MYZAP: variants seen among roughly 807,000 people sequenced by gnomAD.
MYZAP encodes myocardial zonula adherens protein, also known as GRINL1A complex locus upstream.
MYZAP carries 66 observed loss-of-function variants against 69.4 expected under a neutral mutation model. That is an observed-to-expected ratio of 0.95 (90% CI 0.78 to 1.17). The LOEUF (loss-of-function observed/expected upper bound fraction) is 1.17. Ranked by LOEUF, MYZAP falls within the 50% of genes most tolerant of loss-of-function variation. The pLI is 0.00. For missense variants in MYZAP, 611 were observed against 556.2 expected, an observed-to-expected ratio of 1.10 and a Z score of -0.99; for synonymous variants, 256 against 205.9, an observed-to-expected ratio of 1.24 and a Z score of -2.09.
At chr15:57,657,857 A>C (rs553526600) in intron 10 of MYZAP, among the ~76,000 whole-genome samples, 2 of 152,174 alleles carry the variant, frequency 1.3e-5, no homozygotes, top group Non-Finnish European at 2.9e-5. Flanking sequence ...ACTAATTCAC[A>C]ATGCCACCTG....
In MYZAP at chr15:57,647,867, G is replaced by C. The variant is rs1408971597; in HGVS notation, c.1119+8322G>C. 6.1e-6 allele frequency: 6 copies of C among 985,240 alleles called. No homozygotes were observed. The East Asian group carries it at 5.7e-4, about 93-fold the overall frequency. The allele number at this position is 985,240 out of a possible 1,614,324, so 61.0% of individuals were successfully genotyped here. A position where few individuals can be genotyped will look rare whatever the true frequency, so the allele number is the denominator to read the frequency against. ...CCCTCAATTCACCTCTTTCCTGCCT[G>C]TACTGTGATATGGTGTGAACTTGAC... On this transcript the variant is annotated intron_variant, in intron 10 of 12. Transcript: ENST00000267853.
intron 10 of MYZAP, chr15:57,646,315 A>G (rs2037444449): frequency 3.3e-6 from 4 of 1,220,488 alleles, no homozygotes; most frequent in African/African-American, 1.6e-5. Context: ...ACAAAACAGG[A>G]AGGACATATT....
intron 8 of MYZAP, among the ~76,000 whole-genome samples, chr15:57,635,271 C>A (rs184783760): frequency 2.0e-5 from 3 of 152,176 alleles, no homozygotes; most frequent in African/African-American, 2.4e-5. Flanking sequence ...AAAATCCACG[C>A]CAAGTGCTAA....
intron 10 of MYZAP, among the ~76,000 whole-genome samples, chr15:57,643,070 C>T (rs2140478033): frequency 6.6e-6 from 1 of 152,292 alleles, no homozygotes; most frequent in African/African-American, 2.4e-5. Flanking sequence ...TCTCCCCCAT[C>T]ACTAGTTCTT....
chr15:57,647,659 AG>A, intron 10 of MYZAP: 4 of 985,426 alleles, frequency 4.1e-6, no homozygotes, highest in Non-Finnish European at 4.8e-6. Context: ...ATTCTGGAGC[AG>A]ATAGTGAGTG....
At chr15:57,619,243 A>G (rs1413102224) in intron 3 of MYZAP, among the ~76,000 whole-genome samples, 1 of 152,266 alleles carries the variant, frequency 6.6e-6, no homozygotes, top group Non-Finnish European at 1.5e-5. Flanking sequence ...GCTTAGCAGA[A>G]AATATGAGGA....
rs139505969 is a variant in MYZAP, at chr15:57,683,702, G to A, written c.1305-700G>A. On this transcript the variant is annotated intron_variant, in intron 12 of 12. Coordinates refer to ENST00000267853, the MANE Select transcript of MYZAP (RefSeq NM_001018100.5). ...TAAGACCAAGGTGCCAGCAGATCCA[G>A]TGTTTGGCAAGGACTTGCTTTCTGG... Among the ~76,000 whole-genome samples the A allele has an allele frequency of 1.7e-3, 263 of 152,276 alleles. 4 individuals are homozygous for A. Among genetic ancestry groups the A allele is most frequent in the South Asian group, 0.013 (61 of 4,822 alleles).
chr15:57,613,479 TC>T (rs1222078992), intron 2 of MYZAP, among the ~76,000 whole-genome samples: 8 of 151,924 alleles, frequency 5.3e-5, no homozygotes, highest in African/African-American at 1.9e-4. Flanking sequence ...CAAGCAATCT[TC>T]CCACCTTAGC....
In MYZAP at chr15:57,597,282, G is replaced by C. The variant is rs2034122302; in HGVS notation, c.75+5173G>C. Among the ~76,000 whole-genome samples, 2 of 152,164 alleles carry C rather than the reference G, an allele frequency of 1.3e-5. 1 individual carries two copies. The highest frequency in any genetic ancestry group is 4.1e-4 in the South Asian group (2 of 4,824). On this transcript the variant is annotated intron_variant, in intron 1 of 12. Transcript: ENST00000267853. ...CCAGTTATACACAGAATCACTGGGA[G>C]GCTTAAAATAGCCATGTCGAGGCCT...
intron 1 of MYZAP, among the ~76,000 whole-genome samples, chr15:57,601,722 G>C (rs748826172): frequency 1.9e-4 from 29 of 152,288 alleles, no homozygotes; most frequent in Admixed American, 4.6e-4. Context: ...GATGAGGATG[G>C]AGAGGGATCT....
At chr15:57,625,642 A>G in intron 4 of MYZAP, 137 bp from the exon 5 acceptor site, 2 of 770,720 alleles carry the variant, frequency 2.6e-6, no homozygotes, top group South Asian at 1.7e-5. Flanking sequence ...GCAGATGTTG[A>G]CTTTTAATTT....
chr15:57,661,727 G>A (rs776507915), intron 11 of MYZAP, among the ~76,000 whole-genome samples, 194 bp downstream of exon 11: 1 of 152,112 alleles, frequency 6.6e-6, no homozygotes, highest in Non-Finnish European at 1.5e-5. Context: ...CCTCATTCCA[G>A]TTGCTGCTGA....
chr15:57,636,141 T>TG (rs1243541851), intron 8 of MYZAP, among the ~76,000 whole-genome samples: 1 of 151,756 alleles, frequency 6.6e-6, no homozygotes, highest in African/African-American at 2.4e-5. Context: ...TGTTTTTTGT[T>TG]TTTTTTTTCT....
At chr15:57,652,305 A>C (rs771643127) in intron 10 of MYZAP, among the ~76,000 whole-genome samples, 2 of 152,040 alleles carry the variant, frequency 1.3e-5, no homozygotes, top group Non-Finnish European at 2.9e-5. Context: ...CTTCATGCTT[A>C]TTAAACTCTT....
chr15:57,614,556 A>G (rs1316348855), intron 2 of MYZAP, among the ~76,000 whole-genome samples: 1 of 152,208 alleles, frequency 6.6e-6, no homozygotes, highest in African/African-American at 2.4e-5. Context: ...ACCTTGAAAC[A>G]AGAAGGAGGC....
At chr15:57,684,344 G>A (rs2039587550) in intron 12 of MYZAP, 58 bp from the exon 13 acceptor site, 1 of 1,081,692 alleles carries the variant, frequency 9.2e-7, no homozygotes, top group African/African-American at 1.6e-5. Flanking sequence ...ACCATGTGAA[G>A]CATATGGGGG....
At chr15:57,624,800 C>A (rs1440740804) in intron 4 of MYZAP, among the ~76,000 whole-genome samples, 3 of 152,174 alleles carry the variant, frequency 2.0e-5, no homozygotes, top group Non-Finnish European at 4.4e-5. Flanking sequence ...CTGCTGAACA[C>A]AAAGCTGCCA....
intron 11 of MYZAP, among the ~76,000 whole-genome samples, chr15:57,672,681 T>G (rs2140615067): frequency 6.6e-6 from 1 of 152,356 alleles, no homozygotes; most frequent in South Asian, 2.1e-4. Flanking sequence ...TTCTAACTTC[T>G]TGTAGTGGCA....
At chr15:57,643,741 G>GTTTTTTTTTTT (rs76647740) in intron 10 of MYZAP, among the ~76,000 whole-genome samples, 1 of 136,328 alleles carries the variant, frequency 7.3e-6, no homozygotes. Flanking sequence ...TTTTTTTTTT[G>GTTTTTTTTTTT]TTTTTTTTTT....
Sources: allele counts gnomAD v4.1 joint callset (sites outside exome capture counted in the v4.1 genomes callset), GRCh38; gene constraint gnomAD v4.1.1; transcripts MANE v1.5; gene names NCBI Gene and HGNC (gene_info 2026-07-23, HGNC 2026-07-21).